The following FGF1 variants were observed in gnomAD, a reference collection of about 807,000 sequenced individuals.
FGF1 encodes fibroblast growth factor 1, also known as beta-endothelial cell growth factor.
A neutral mutation model predicts 13.4 loss-of-function variants in FGF1; 9 were observed. The ratio of observed to expected loss-of-function variants is 0.67; its 90% confidence interval spans 0.40 to 1.17. The LOEUF (loss-of-function observed/expected upper bound fraction) is 1.17, where lower values mean the gene tolerates loss of function less well. FGF1 is among the 50% of genes most tolerant of loss of function. The probability of loss-of-function intolerance (pLI) is 0.01; values close to 1 mark genes in which losing one functional copy is unlikely to be tolerated. For missense variants in FGF1, 156 were observed against 192.7 expected (o/e 0.81, Z 1.13); for synonymous variants, 93 against 79.0 (o/e 1.18, Z -0.94).
At chr5:142,663,915 C>T (rs1769786133) in intron 1 of FGF1, among the ~76,000 whole-genome samples, 1 of 152,082 alleles carries the variant, frequency 6.6e-6, no homozygotes, top group Non-Finnish European at 1.5e-5. Flanking sequence ...TAAAGTTCAG[C>T]GTCAGGGATG....
In FGF1 at chr5:142,600,786, C is replaced by T. The variant is rs767821978; in HGVS notation, c.189G>A (p.Ala63=). 14 of 1,612,658 alleles carry T rather than the reference C, an allele frequency of 8.7e-6. No homozygotes were observed. The highest frequency in any genetic ancestry group is 2.7e-5 in the African/African-American group (2 of 74,848). The change falls in exon 3 of 4, where the codon GCG becomes GCA. Residue 63 remains alanine (A), a synonymous_variant. Coordinates refer to ENST00000337706, the MANE Select transcript of FGF1 (RefSeq NM_000800.5). The part of the protein sequence containing the change: ...SDQHIQLQLS[A]ESVGEVYIKS... Reference sequence around the variant, plus strand: ...TTATATACACCTCCCCCACGCTTTCCGCACTGAGCTGCAGCTGAACTGGAA... The same window carrying T: ...TTATATACACCTCCCCCACGCTTTCTGCACTGAGCTGCAGCTGAACTGGAA...
chr5:142,619,180 C>T (rs983644723), intron 1 of FGF1, among the ~76,000 whole-genome samples: 14 of 152,098 alleles, frequency 9.2e-5, no homozygotes, highest in South Asian at 4.2e-4. Flanking sequence ...GTGATCCACC[C>T]GCCTCAGCCT....
intron 2 of FGF1, among the ~76,000 whole-genome samples, chr5:142,694,621 G>A (rs1752809996): frequency 6.6e-6 from 1 of 152,162 alleles, no homozygotes; most frequent in African/African-American, 2.4e-5. Flanking sequence ...CACCCTGAGG[G>A]AGGACCCCAG....
intron 2 of FGF1, among the ~76,000 whole-genome samples, chr5:142,611,643 C>T (rs1158299982): frequency 6.6e-6 from 1 of 152,160 alleles, no homozygotes. Context: ...AGTTCCAGTA[C>T]TGACAGGTAC....
At chr5:142,629,979 C>T (rs1392351268) in intron 1 of FGF1, among the ~76,000 whole-genome samples, 2 of 150,852 alleles carry the variant, frequency 1.3e-5, no homozygotes, top group African/African-American at 4.9e-5. Context: ...CTGTAAGCCC[C>T]GCCTGCCGGG....
At chr5:142,683,841 A>AAAAAAC (rs1774180675) in intron 1 of FGF1, among the ~76,000 whole-genome samples, 1 of 142,016 alleles carries the variant, frequency 7.0e-6, no homozygotes, top group African/African-American at 2.6e-5. Flanking sequence ...AAAAAAAAAA[A>AAAAAAC]AAGGAAAAGA....
At chr5:142,624,771 A>G (rs915908018) in intron 1 of FGF1, among the ~76,000 whole-genome samples, 64 of 152,238 alleles carry the variant, frequency 4.2e-4, no homozygotes. Flanking sequence ...AAAAAAGAAA[A>G]GAAAGAAAAA....
In FGF1 at chr5:142,642,682, C is replaced by A. The variant is rs549400898; in HGVS notation, c.-34-28521G>T. ...GAGCCACGTGGGCTCCCAGAGGAGACGCTCACTGAGGTCTGTGAAGGCCTT... is the reference window on the plus strand; with the variant it reads ...GAGCCACGTGGGCTCCCAGAGGAGAAGCTCACTGAGGTCTGTGAAGGCCTT... On this transcript the variant is annotated intron_variant, in intron 1 of 3. Transcript: ENST00000337706. 1.2e-4 allele frequency among the ~76,000 whole-genome samples: 18 copies of A among 152,324 alleles called. No homozygotes were observed. The South Asian group carries it at 3.7e-3, about 32-fold the overall frequency.
intron 3 of FGF1, among the ~76,000 whole-genome samples, chr5:142,596,083 T>G (rs17223933): frequency 2.9e-3 from 442 of 152,340 alleles, no homozygotes; most frequent in African/African-American, 0.01. Context: ...TGTGCAAAAT[T>G]TATCCTAAGC....
chr5:142,598,943 G>A (rs1205110670), intron 3 of FGF1, among the ~76,000 whole-genome samples: 2 of 152,154 alleles, frequency 1.3e-5, no homozygotes, highest in East Asian at 1.9e-4. Context: ...TAAAACTGTG[G>A]CATAACCTAA....
rs1187824250 is a variant in FGF1, at chr5:142,618,924, G to GTTTTTT, written c.-34-4764_-34-4763insAAAAAA. Among the ~76,000 whole-genome samples, 224 of 78,282 alleles carry GTTTTTT rather than the reference G, an allele frequency of 2.9e-3. 12 individuals are homozygous for GTTTTTT. The highest frequency in any genetic ancestry group is 7.5e-3 in the African/African-American group (159 of 21,272). 51.4% of individuals were successfully genotyped at this position (78,282 alleles called of 152,430 possible). ...AAACACTGACATTTATTTTTTAGTT[G>GTTTTTT]TTTTGTTTTTTTTTTTTTTTTTTTT... On this transcript the variant is annotated intron_variant, in intron 1 of 3. Coordinates refer to ENST00000337706, the MANE Select transcript of FGF1 (RefSeq NM_000800.5).
At chr5:142,616,657 T>G (rs1760308844) in intron 1 of FGF1, among the ~76,000 whole-genome samples, 1 of 152,126 alleles carries the variant, frequency 6.6e-6, no homozygotes, top group African/African-American at 2.4e-5. Flanking sequence ...TCCCTCTGTC[T>G]CTTCCTGTCT....
intron 1 of FGF1, among the ~76,000 whole-genome samples, chr5:142,656,366 G>A (rs966912074): frequency 1.3e-5 from 2 of 152,204 alleles, no homozygotes; most frequent in South Asian, 4.1e-4. Flanking sequence ...CTGTTATTCA[G>A]TTGGGATACT....
At chr5:142,684,586 C>A (rs144395699) in intron 1 of FGF1, among the ~76,000 whole-genome samples, 3 of 152,284 alleles carry the variant, frequency 2.0e-5, no homozygotes, top group Non-Finnish European at 4.4e-5. Context: ...GGGGACTTTC[C>A]TCGGAAGCCC....
Position 142,597,094 on chromosome 5 carries a change from A to G in FGF1, c.274-1610T>C, listed in dbSNP as rs115762080. On this transcript the variant is annotated intron_variant, in intron 3 of 3. Transcript: ENST00000337706. Reference sequence around the variant, plus strand: ...AAGATAAAAAAAAATTTGTGCAAAGATAAAAAACCATTTGCAAGACTTAGA... The same window carrying G: ...AAGATAAAAAAAAATTTGTGCAAAGGTAAAAAACCATTTGCAAGACTTAGA... Among the ~76,000 whole-genome samples the G allele has an allele frequency of 3.8e-3, 578 of 152,334 alleles. 4 individuals are homozygous for G. Among genetic ancestry groups the G allele is most frequent in the African/African-American group, 0.013 (541 of 41,588 alleles).
chr5:142,666,382 ACTGGATAGGATGGGGTGT>A (rs1770364151), intron 1 of FGF1, among the ~76,000 whole-genome samples: 1 of 152,030 alleles, frequency 6.6e-6, no homozygotes, highest in Admixed American at 6.6e-5. Context: ...GATACAATGT[ACTGGATAGGATGGGGTGT>A]AAGATTTCAT....
intron 1 of FGF1, among the ~76,000 whole-genome samples, chr5:142,623,511 A>AT (rs1761989013): frequency 6.6e-6 from 1 of 151,794 alleles, no homozygotes; most frequent in African/African-American, 2.4e-5. Context: ...ACGTCCAACT[A>AT]ATTTTTGCAT....
chr5:142,690,096 C>A (rs1292421820), upstream of FGF1, among the ~76,000 whole-genome samples: 1 of 149,602 alleles, frequency 6.7e-6, no homozygotes, highest in African/African-American at 2.4e-5. Flanking sequence ...CTGAGGCGGG[C>A]GGATCAAGAG....
At chr5:142,608,906 G>A (rs1429044749) in intron 2 of FGF1, among the ~76,000 whole-genome samples, 5 of 151,848 alleles carry the variant, frequency 3.3e-5, no homozygotes, top group African/African-American at 1.2e-4. Flanking sequence ...ACATATGACC[G>A]AGGTGAGAGA....
Sources: gnomAD v4.1 joint callset for allele counts (sites outside exome capture counted in the v4.1 genomes callset) on GRCh38, gnomAD v4.1.1 for gene constraint, MANE v1.5 for transcripts, NCBI Gene and HGNC (gene_info 2026-07-23, HGNC 2026-07-21) for gene names.